COL14A1: variants seen among roughly 807,000 people sequenced by gnomAD.
The protein encoded by COL14A1 is collagen type XIV alpha 1 chain.
Under a neutral mutation model 230.3 loss-of-function variants are expected in COL14A1, and 136 were observed. That is an observed-to-expected ratio of 0.59 (90% CI 0.51 to 0.68). The LOEUF (loss-of-function observed/expected upper bound fraction) is 0.68, where lower values mean the gene tolerates loss of function less well. Among genes scored for constraint, COL14A1 ranks in the 30% least tolerant of loss-of-function variants. The pLI, the probability that COL14A1 is intolerant of heterozygous loss-of-function variation, is 0.00. For missense variants in COL14A1, 1,976 were observed against 2,215.8 expected (o/e 0.89, Z 2.17); for synonymous variants, 792 against 784.1 (o/e 1.01, Z -0.17).
At chr8:120,328,705 T>C (rs1821769028) in intron 40 of COL14A1, among the ~76,000 whole-genome samples, 2 of 152,232 alleles carry the variant, frequency 1.3e-5, no homozygotes, top group South Asian at 2.1e-4. Context: ...ATGAGAGCAC[T>C]GACAGACTTG....
At position 120,162,435 on chromosome 8, in the gene COL14A1, C is replaced by T. The variant is rs1055818665; in HGVS notation, c.215C>T (p.Thr72Ile). 6.3e-7 allele frequency: 1 copy of T among 1,599,582 alleles called. No individual in the cohort carries two copies. The highest frequency in any genetic ancestry group is 8.5e-7 in the Non-Finnish European group (1 of 1,174,810). ...TTCTCTTTTATTATAGGTGGAAAAA[C>T]TAACCAGCTGAATCTGCAGAACACT... ...LLVTPTSGGKTNQLNLQNTAT... is the reference protein window; with the variant it reads ...LLVTPTSGGKINQLNLQNTAT... The change falls in exon 4 of 48, where the codon ACT becomes ATT. Residue 72 changes from threonine to isoleucine, a missense_variant. Around this residue, in one of 3 missense-constraint regions of COL14A1, gnomAD observed 181 missense variants for 178.6 expected, o/e 1.01. Transcript: ENST00000297848.
chr8:120,326,317 C>T (rs1037413739), intron 40 of COL14A1, among the ~76,000 whole-genome samples: 5 of 152,226 alleles, frequency 3.3e-5, no homozygotes, highest in Non-Finnish European at 4.4e-5. Context: ...TATAGTCTCT[C>T]AGCATAGCAC....
intron 5 of COL14A1, among the ~76,000 whole-genome samples, chr8:120,173,511 T>C (rs1175294996): frequency 6.6e-6 from 1 of 151,552 alleles, no homozygotes; most frequent in Non-Finnish European, 1.5e-5. Context: ...GTCATACCAT[T>C]ATCTCTCTGT....
chr8:120,336,604 A>G (rs1317714344), intron 42 of COL14A1, among the ~76,000 whole-genome samples: 1 of 152,024 alleles, frequency 6.6e-6, no homozygotes, highest in African/African-American at 2.4e-5. Context: ...CCCTCGTGTC[A>G]CTGTCTGGCT....
chr8:120,300,503 G>A (rs933719547), intron 35 of COL14A1, among the ~76,000 whole-genome samples: 5 of 151,906 alleles, frequency 3.3e-5, no homozygotes, highest in Non-Finnish European at 4.4e-5. Context: ...GGATTCCCAA[G>A]CTGGTTTTAG....
intron 13 of COL14A1, among the ~76,000 whole-genome samples, chr8:120,214,244 T>G (rs1392004361): frequency 6.6e-6 from 1 of 152,214 alleles, no homozygotes; most frequent in Non-Finnish European, 1.5e-5. Context: ...TAATTGCTCT[T>G]CTGTTCCTAG....
chr8:120,270,403 A>G (rs912696714), intron 26 of COL14A1, among the ~76,000 whole-genome samples: 2 of 151,714 alleles, frequency 1.3e-5, no homozygotes, highest in African/African-American at 4.8e-5. Flanking sequence ...AAAACAAGGT[A>G]GAAAGTCCAT....
chr8:120,212,567 A>G lies in COL14A1; in HGVS notation c.1587A>G (p.Gln529=), dbSNP rs1817644459. The G allele has an allele frequency of 6.2e-7, 1 of 1,613,490 alleles. No individual in the cohort carries two copies. The highest frequency in any genetic ancestry group is 1.3e-5 in the African/African-American group (1 of 75,030). Residue 529 remains glutamine, a synonymous_variant, in exon 13 of 48, where the codon CAA becomes CAG. Coordinates refer to ENST00000297848, the MANE Select transcript of COL14A1 (RefSeq NM_021110.4). ...GEEASDPVTG[Q]ETTLALSPPR... is the part of the protein sequence containing the mutation. ...AGGCCAGTGATCCTGTTACGGGACAAGAAACAACATGTGAGCAGCACAGCC... is the reference window on the plus strand; with the variant it reads ...AGGCCAGTGATCCTGTTACGGGACAGGAAACAACATGTGAGCAGCACAGCC...
intron 40 of COL14A1, among the ~76,000 whole-genome samples, chr8:120,330,262 T>C (rs1821818524): frequency 6.6e-6 from 1 of 152,172 alleles, no homozygotes; most frequent in African/African-American, 2.4e-5. Context: ...ATTCTGAGGT[T>C]GAGAGTGTGG....
At chr8:120,205,143 C>A (rs1315884958) in intron 9 of COL14A1, among the ~76,000 whole-genome samples, 2 of 151,936 alleles carry the variant, frequency 1.3e-5, no homozygotes, top group Non-Finnish European at 1.5e-5. Context: ...ACAATTATTA[C>A]CAAAAATGTT....
At chr8:120,177,482 C>T (rs553034534) in intron 5 of COL14A1, among the ~76,000 whole-genome samples, 120 of 151,776 alleles carry the variant, frequency 7.9e-4, no homozygotes, top group Non-Finnish European at 1.4e-3. Flanking sequence ...AACCTCGCTT[C>T]TGGTAAAAAT....
In COL14A1 at chr8:120,240,183, GTT is replaced by G. The variant is rs67282699; in HGVS notation, c.2350-3686_2350-3685del. ...TGGTGCTTATTTGCTTTGCAAAACT[GTT>G]TTTTTTTTTCTCTCTCTCTCTTTTG... On this transcript the variant is annotated intron_variant, in intron 19 of 47. Transcript: ENST00000297848. 2.2e-3 allele frequency among the ~76,000 whole-genome samples: 332 copies of G among 148,888 alleles called. 2 individuals carry two copies. The highest frequency in any genetic ancestry group is 0.011 in the Admixed American group (160 of 14,966).
intron 45 of COL14A1, among the ~76,000 whole-genome samples, chr8:120,355,844 C>T (rs893407458): frequency 5.3e-5 from 8 of 152,184 alleles, no homozygotes; most frequent in Non-Finnish European, 1.0e-4. Flanking sequence ...GATTGTATAG[C>T]TGGACAGCTG....
rs1370309513 is a variant in COL14A1, at chr8:120,218,098, A to G, written c.1737+1608A>G. 1.9e-4 allele frequency among the ~76,000 whole-genome samples: 26 copies of G among 140,492 alleles called. No individual in the cohort carries two copies. The Admixed American group carries it at 2.0e-3, about 11-fold the overall frequency. 92.2% of individuals were successfully genotyped at this position (140,492 alleles called of 152,430 possible). A position where few individuals can be genotyped will look rare whatever the true frequency, so the allele number is the denominator to read the frequency against. On this transcript the variant is annotated intron_variant, in intron 14 of 47. Transcript: ENST00000297848. The stretch of plus-strand genomic sequence containing the variant: ...AAATATATAATATATAAATATAAAT[A>G]CATAAATATATAAGTATATATCTAT...
chr8:120,238,567 G>A (rs116472716), intron 19 of COL14A1, among the ~76,000 whole-genome samples: 1,660 of 152,316 alleles, frequency 0.011, 23 homozygotes, highest in African/African-American at 0.037. Flanking sequence ...GATCTGCTGA[G>A]CAAGACCACT....
At chr8:120,228,513 G>A (rs762083125) in intron 17 of COL14A1, among the ~76,000 whole-genome samples, 197 bp from the exon 18 acceptor site, 5 of 152,074 alleles carry the variant, frequency 3.3e-5, no homozygotes, top group Non-Finnish European at 7.4e-5. Context: ...CATTCTTTGG[G>A]TTTCAGTTTT....
chr8:120,196,816 AG>A lies in COL14A1; in HGVS notation c.463del (p.Ala155GlnfsTer6). On this transcript the variant is annotated frameshift_variant, in exon 6 of 48. Coordinates refer to ENST00000297848, the MANE Select transcript of COL14A1 (RefSeq NM_021110.4). LOFTEE classifies it high-confidence loss of function. ...EEVKFVCQTP[A>X]IADIVILVDG... Reference sequence around the variant, plus strand: ...AAGTGAAATTTGTCTGTCAAACTCCAGCAATTGCTGACATTGTAATCCTGGT... The same window carrying A: ...AAGTGAAATTTGTCTGTCAAACTCCACAATTGCTGACATTGTAATCCTGGT... 1 of 1,613,940 alleles carries A rather than the reference AG, an allele frequency of 6.2e-7. No homozygotes were observed. Among genetic ancestry groups the A allele is most frequent in the Non-Finnish European group, 8.5e-7 (1 of 1,179,922 alleles).
At chr8:120,153,028 A>G (rs1282656326) in intron 2 of COL14A1, among the ~76,000 whole-genome samples, 1 of 152,072 alleles carries the variant, frequency 6.6e-6, no homozygotes, top group Non-Finnish European at 1.5e-5. Flanking sequence ...TTTATAATGG[A>G]TCATGAAATT....
chr8:120,160,755 A>C (rs1815636633), intron 3 of COL14A1, among the ~76,000 whole-genome samples: 1 of 152,196 alleles, frequency 6.6e-6, no homozygotes, highest in Non-Finnish European at 1.5e-5. Context: ...ATATGGTCCA[A>C]CTATTGTTTC....
Sources: allele counts gnomAD v4.1 joint callset (sites outside exome capture counted in the v4.1 genomes callset), GRCh38; gene constraint gnomAD v4.1.1; regional missense constraint gnomAD v4.1.1; transcripts MANE v1.5; gene names NCBI Gene and HGNC (gene_info 2026-07-23, HGNC 2026-07-21).